The following EDC4 variants were observed in gnomAD, a reference collection of about 807,000 sequenced individuals.
EDC4 encodes the protein enhancer of mRNA decapping 4.
A neutral mutation model predicts 155.8 loss-of-function variants in EDC4; 64 were observed. That is an observed-to-expected ratio of 0.41 (90% CI 0.34 to 0.51). The LOEUF is 0.51. Among genes scored for constraint, EDC4 ranks in the 20% least tolerant of loss-of-function variants. The pLI, the probability that EDC4 is intolerant of heterozygous loss-of-function variation, is 0.19. For synonymous variants in EDC4, 684 were observed against 716.8 expected, an observed-to-expected ratio of 0.95 and a Z score of 0.73; for missense variants, 1,303 against 1,812.5, an observed-to-expected ratio of 0.72 and a Z score of 5.10.
chr16:67,879,909 C>T lies in EDC4; in HGVS notation c.1881C>T (p.Ser627=). ...SGSSSSSSSS[S]SSLTAVSAMS... is the part of the protein sequence containing the mutation. ...GCAGCAGCAGCAGCAGCAGTAGCAG[C>T]AGCTCCCTTACAGCTGTGTCTGCCA... is the stretch of plus-strand genomic sequence containing the variant. Residue 627 remains serine (S), a synonymous_variant, in exon 16 of 29, where the codon AGC becomes AGT. Coordinates refer to ENST00000358933, the MANE Select transcript of EDC4 (RefSeq NM_014329.5). The surrounding 1 kb of genome is among the most constrained non-coding windows in gnomAD (Gnocchi z 6.0). The T allele has an allele frequency of 6.2e-7, 1 of 1,613,868 alleles. No homozygotes were observed. Among genetic ancestry groups the T allele is most frequent in the South Asian group, 1.1e-5 (1 of 91,078 alleles).
Position 67,879,249 on chromosome 16 carries a change from G to A in EDC4, c.1481G>A (p.Gly494Glu). The A allele has an allele frequency of 1.2e-6, 2 of 1,614,198 alleles. No individual in the cohort carries two copies. The highest frequency in any genetic ancestry group is 2.2e-5 in the South Asian group (2 of 91,086). ...ACTGTCCTTTCAGATGGTACCCATG[G>A]AGCCGGTGCCATGGAGTCTGCGGCC... ...NDSLGADGTH[G>E]AGAMESAAGV... The change falls in exon 13 of 29, where the codon GGA (glycine) becomes GAA (glutamate). Residue 494 changes from glycine (G) to glutamate (E), a missense_variant. This residue lies in a region of EDC4 where 391 missense variants were observed against 445.4 expected (regional missense o/e 0.88). Coordinates refer to ENST00000358933, the MANE Select transcript of EDC4 (RefSeq NM_014329.5). This position sits in a 1 kb window ranked among gnomAD's most constrained non-coding sequence, Gnocchi z 6.0.
At position 67,882,157 on chromosome 16, in the gene EDC4, G is replaced by A. The variant is rs768832663; in HGVS notation, c.3160+48G>A. On this transcript the variant is annotated intron_variant, in intron 23 of 28. Coordinates refer to ENST00000358933, the MANE Select transcript of EDC4 (RefSeq NM_014329.5). The surrounding 1 kb of genome is among the most constrained non-coding windows in gnomAD (Gnocchi z 7.2). ...CTTTGGGTGGTTCAGGTGGGAGTGG[G>A]GTACCTGTCAAGCTTCTTCTCATGG... is the stretch of plus-strand genomic sequence containing the variant. The A allele has an allele frequency of 3.2e-5, 51 of 1,613,198 alleles. 1 individual carries two copies. In the South Asian group the frequency reaches 5.4e-4, roughly 17 times the overall value.
Position 67,884,376 on chromosome 16 carries a change from A to G in EDC4, c.*228A>G. 1.8e-6 allele frequency: 1 copy of G among 557,440 alleles called. No homozygotes were observed. The highest frequency in any genetic ancestry group is 2.5e-5 in the South Asian group (1 of 39,962). The allele number at this position is 557,440 out of a possible 1,614,324, so 34.5% of individuals were successfully genotyped here. ...CCTGCTTGGGTTCTGCCATGCCTGG[A>G]GCATGACCCTGAGATCGTGACACCA... is the stretch of plus-strand genomic sequence containing the variant. On this transcript the variant is annotated 3_prime_UTR_variant, in exon 29 of 29. Coordinates refer to ENST00000358933, the MANE Select transcript of EDC4 (RefSeq NM_014329.5). The surrounding 1 kb of genome is among the most constrained non-coding windows in gnomAD (Gnocchi z 4.1).
chr16:67,880,850 A>C lies in EDC4; in HGVS notation c.2391A>C (p.Gly797=). 6.2e-7 allele frequency: 1 copy of C among 1,613,874 alleles called. No homozygotes were observed. The highest frequency in any genetic ancestry group is 8.5e-7 in the Non-Finnish European group (1 of 1,179,972). Residue 797 remains glycine, a synonymous_variant, in exon 18 of 29, where the codon GGA becomes GGC. Transcript: ENST00000358933. The surrounding 1 kb of genome is among the most constrained non-coding windows in gnomAD (Gnocchi z 5.2). ...TCGGCCCCCAGCTCGGGCTTGATGG[A>C]GGCCCTGGGGATGGAGATCGGCATA... ...PELGPQLGLD[G]GPGDGDRHNT... is the part of the protein sequence containing the mutation.
At chr16:67,873,925 T>A (rs1016726714) in intron 1 of EDC4, among the ~76,000 whole-genome samples, 1 of 152,244 alleles carries the variant, frequency 6.6e-6, no homozygotes, top group African/African-American at 2.4e-5. Flanking sequence ...CAAGCCCTAA[T>A]TGGTTCCCAT....
At position 67,878,160 on chromosome 16, in the gene EDC4, T is replaced by C. The variant is rs566321480; in HGVS notation, c.895-6T>C. On this transcript the variant is annotated splice_polypyrimidine_tract_variant and splice_region_variant and intron_variant, in intron 7 of 28. Coordinates refer to ENST00000358933, the MANE Select transcript of EDC4 (RefSeq NM_014329.5). The surrounding 1 kb of genome is among the most constrained non-coding windows in gnomAD (Gnocchi z 5.2). The stretch of plus-strand genomic sequence containing the variant: ...TAGTCAGCAAAGCTTTTTGGGTTCT[T>C]TCTAGTGCCTCAGTGAAGGAGCCCT... 1.9e-6 allele frequency: 3 copies of C among 1,614,184 alleles called. No individual in the cohort carries two copies. In the East Asian group the frequency reaches 6.7e-5, roughly 36 times the overall value.
At position 67,873,238 on chromosome 16, in the gene EDC4, G is replaced by T. The variant is rs917313607; in HGVS notation, c.-24G>T. ...GCGGCGGCGGAACGAACGCGGTGCGGGCGGGGCGCCCGCCGCAGGGCCCAT... is the reference window on the plus strand; with the variant it reads ...GCGGCGGCGGAACGAACGCGGTGCGTGCGGGGCGCCCGCCGCAGGGCCCAT... On this transcript the variant is annotated 5_prime_UTR_variant, in exon 1 of 29. Transcript: ENST00000358933. 6.5e-6 allele frequency: 9 copies of T among 1,385,730 alleles called. No individual in the cohort carries two copies. The highest frequency in any genetic ancestry group is 8.4e-6 in the Non-Finnish European group (9 of 1,076,820). The allele number at this position is 1,385,730 out of a possible 1,614,324, so 85.8% of individuals were successfully genotyped here.
At position 67,877,706 on chromosome 16, in the gene EDC4, G is replaced by A; in HGVS notation, c.790-35G>A. On this transcript the variant is annotated intron_variant, in intron 6 of 28. Coordinates refer to ENST00000358933, the MANE Select transcript of EDC4 (RefSeq NM_014329.5). The surrounding 1 kb of genome is among the most constrained non-coding windows in gnomAD (Gnocchi z 4.9). The stretch of plus-strand genomic sequence containing the variant: ...GGCGCCAGAGAAGCCATAGTGTGGG[G>A]TTGGGCTGCACACTCACCTCCCTGT... 1 of 1,614,136 alleles carries A rather than the reference G, an allele frequency of 6.2e-7. No homozygotes were observed.
Position 67,879,566 on chromosome 16 carries a change from A to G in EDC4, c.1634-21A>G, listed in dbSNP as rs745862565. On this transcript the variant is annotated intron_variant, in intron 14 of 28. Coordinates refer to ENST00000358933, the MANE Select transcript of EDC4 (RefSeq NM_014329.5). The surrounding 1 kb of genome is among the most constrained non-coding windows in gnomAD (Gnocchi z 6.0). ...CTGACCAGGGTCTGAGATCTAACTCAAGTGGCAACTTGCCCTGCAGCATTT... is the reference window on the plus strand; with the variant it reads ...CTGACCAGGGTCTGAGATCTAACTCGAGTGGCAACTTGCCCTGCAGCATTT... 6 of 1,613,546 alleles carry G rather than the reference A, an allele frequency of 3.7e-6. No individual in the cohort carries two copies. Among genetic ancestry groups the G allele is most frequent in the Non-Finnish European group, 4.2e-6 (5 of 1,179,668 alleles).
Position 67,879,882 on chromosome 16 carries a change from T to C in EDC4, c.1854T>C (p.Gly618=), listed in dbSNP as rs2058058053. 6.2e-6 allele frequency: 10 copies of C among 1,610,364 alleles called. No individual in the cohort carries two copies. In the East Asian group the frequency reaches 1.1e-4, roughly 18 times the overall value. Residue 618 remains glycine (G), a synonymous_variant, in exon 16 of 29, where the codon GGT becomes GGC. Transcript: ENST00000358933. The surrounding 1 kb of genome is among the most constrained non-coding windows in gnomAD (Gnocchi z 6.0). ...CCTCTCCCAGCAGCAGCAGCAGCGG[T>C]AGCAGCAGCAGCAGCAGCAGTAGCA... ...ITASPSSSSS[G]SSSSSSSSSS... is the part of the protein sequence containing the mutation.
At position 67,877,792 on chromosome 16, in the gene EDC4, G is replaced by A. The variant is rs752460333; in HGVS notation, c.841G>A (p.Val281Met). 6.8e-6 allele frequency: 11 copies of A among 1,614,202 alleles called. No homozygotes were observed. Among genetic ancestry groups the A allele is most frequent in the Non-Finnish European group, 9.3e-6 (11 of 1,180,044 alleles). ...CCGCTCCAGCCACAGTACCTGGCCT[G>A]TGGATGTTAGCCAGATCAAGCAGGG... ...MLRSSHSTWP[V>M]DVSQIKQGFI... The change falls in exon 7 of 29, where the codon GTG (valine) becomes ATG (methionine). Residue 281 changes from valine (V) to methionine (M), a missense_variant. Physicochemically the swap from Val to Met is conservative, Grantham distance 21 (BLOSUM62 1). Transcript: ENST00000358933. This position sits in a 1 kb window ranked among gnomAD's most constrained non-coding sequence, Gnocchi z 4.9.
Position 67,881,262 on chromosome 16 carries a change from C to T in EDC4, c.2637-3C>T, listed in dbSNP as rs1836216248. On this transcript the variant is annotated splice_region_variant and splice_polypyrimidine_tract_variant and intron_variant, in intron 19 of 28. Transcript: ENST00000358933. The surrounding 1 kb of genome is among the most constrained non-coding windows in gnomAD (Gnocchi z 5.4). ...GGCTTACTCCTCCTTCCCCTTCCCA[C>T]AGTGACCATGATGATGAGGTGGCCA... 6.2e-7 allele frequency: 1 copy of T among 1,614,042 alleles called. No individual in the cohort carries two copies. The highest frequency in any genetic ancestry group is 1.1e-5 in the South Asian group (1 of 91,080).
Position 67,884,251 on chromosome 16 carries a change from A to G in EDC4, c.*103A>G. 1 of 1,119,616 alleles carries G rather than the reference A, an allele frequency of 8.9e-7. No homozygotes were observed. Among genetic ancestry groups the G allele is most frequent in the Non-Finnish European group, 1.2e-6 (1 of 808,636 alleles). The allele number at this position is 1,119,616 out of a possible 1,614,324, so 69.4% of individuals were successfully genotyped here. On this transcript the variant is annotated 3_prime_UTR_variant, in exon 29 of 29. Coordinates refer to ENST00000358933, the MANE Select transcript of EDC4 (RefSeq NM_014329.5). This position sits in a 1 kb window ranked among gnomAD's most constrained non-coding sequence, Gnocchi z 4.1. ...CTGGCCTTTACCTGCTCAGGCCCCC[A>G]TCTCTGGGGTGTTTGGGGGTCAGGG...
chr16:67,879,490 C>T lies in EDC4; in HGVS notation c.1620C>T (p.Ala540=), dbSNP rs768021574. The T allele has an allele frequency of 2.5e-6, 4 of 1,614,188 alleles. No homozygotes were observed. Among genetic ancestry groups the T allele is most frequent in the Non-Finnish European group, 3.4e-6 (4 of 1,180,024 alleles). Residue 540 remains alanine (A), a synonymous_variant, in exon 14 of 29, where the codon GCC becomes GCT. Transcript: ENST00000358933. This position sits in a 1 kb window ranked among gnomAD's most constrained non-coding sequence, Gnocchi z 6.0. ...DVVAPLPTHT[A]HEDFTFGESR... Reference sequence around the variant, plus strand: ...TGGCCCCACTGCCCACCCACACTGCCCACGAGGACTTCAGTGAGTAGGGCG... The same window carrying T: ...TGGCCCCACTGCCCACCCACACTGCTCACGAGGACTTCAGTGAGTAGGGCG...
rs981741669 is a variant in EDC4, at chr16:67,882,031, T to G, written c.3082T>G (p.Ser1028Ala). The G allele has an allele frequency of 6.2e-7, 1 of 1,612,274 alleles. No individual in the cohort carries two copies. Among genetic ancestry groups the G allele is most frequent in the Non-Finnish European group, 8.5e-7 (1 of 1,179,524 alleles). The change falls in exon 23 of 29, where the codon TCC becomes GCC. Residue 1028 changes from serine (S) to alanine (A), a missense_variant. By Grantham distance (99) the Ser-to-Ala change is moderately conservative. Coordinates refer to ENST00000358933, the MANE Select transcript of EDC4 (RefSeq NM_014329.5). This position sits in a 1 kb window ranked among gnomAD's most constrained non-coding sequence, Gnocchi z 7.2. ...GCAGGAGCAGCTGACACAACAGTTG[T>G]CCCAAGCACTGTCGTCAGCTGTAGC... ...QLQEQLTQQLSQALSSAVAGR... is the reference protein window; with the variant it reads ...QLQEQLTQQLAQALSSAVAGR...
rs774004293 is a variant in EDC4 at position 67,879,601 on chromosome 16, C to T, written c.1648C>T (p.Arg550Trp). 20 of 1,614,104 alleles carry T rather than the reference C, an allele frequency of 1.2e-5. No individual in the cohort carries two copies. The highest frequency in any genetic ancestry group is 1.4e-5 in the Non-Finnish European group (16 of 1,179,998). Residue 550 changes from arginine (R) to tryptophan (W), a missense_variant, in exon 15 of 29, where the codon CGG becomes TGG. By Grantham distance (101) the Arg-to-Trp change is moderately radical. Around this residue, in one of 5 missense-constraint regions of EDC4, gnomAD observed 391 missense variants for 445.4 expected, o/e 0.88. Transcript: ENST00000358933. The surrounding 1 kb of genome is among the most constrained non-coding windows in gnomAD (Gnocchi z 6.0). ...AHEDFTFGES[R>W]PELGSEGLGS... ...TTGCCCTGCAGCATTTGGAGAGTCT[C>T]GGCCCGAACTGGGCTCTGAGGGCCT...
rs376797895 is a variant in EDC4, at chr16:67,878,354, C to T, written c.1005-6C>T. 2.4e-5 allele frequency: 39 copies of T among 1,614,218 alleles called. No individual in the cohort carries two copies. Among genetic ancestry groups the T allele is most frequent in the Non-Finnish European group, 3.2e-5 (38 of 1,180,036 alleles). The stretch of plus-strand genomic sequence containing the variant: ...TCACTCAGGCCCCTCATCTGCCTAC[C>T]TGCAGGTGTCTGCACGAGTGGAAAC... On this transcript the variant is annotated splice_region_variant and splice_polypyrimidine_tract_variant and intron_variant, in intron 8 of 28. Transcript: ENST00000358933. The surrounding 1 kb of genome is among the most constrained non-coding windows in gnomAD (Gnocchi z 5.2).
At position 67,884,181 on chromosome 16, in the gene EDC4, G is replaced by A; in HGVS notation, c.*33G>A. Reference sequence around the variant, plus strand: ...GCCTGCCTTGCCCAGGGGTGGGATGGCACTGAAGGCCAGCAGACAGGCCTA... The same window carrying A: ...GCCTGCCTTGCCCAGGGGTGGGATGACACTGAAGGCCAGCAGACAGGCCTA... On this transcript the variant is annotated 3_prime_UTR_variant, in exon 29 of 29. Transcript: ENST00000358933. This position sits in a 1 kb window ranked among gnomAD's most constrained non-coding sequence, Gnocchi z 4.1. 2 of 1,562,564 alleles carry A rather than the reference G, an allele frequency of 1.3e-6. No individual in the cohort carries two copies. Among genetic ancestry groups the A allele is most frequent in the Non-Finnish European group, 8.7e-7 (1 of 1,151,554 alleles).
At position 67,877,680 on chromosome 16, in the gene EDC4, A is replaced by G; in HGVS notation, c.789+24A>G. ...GGGTGAGGGGGCTGACATGGCGAAG[A>G]GGCGCCAGAGAAGCCATAGTGTGGG... On this transcript the variant is annotated intron_variant, in intron 6 of 28. Transcript: ENST00000358933. The surrounding 1 kb of genome is among the most constrained non-coding windows in gnomAD (Gnocchi z 4.9). 1 of 1,614,068 alleles carries G rather than the reference A, an allele frequency of 6.2e-7. No individual in the cohort carries two copies. Among genetic ancestry groups the G allele is most frequent in the Non-Finnish European group, 8.5e-7 (1 of 1,179,996 alleles).
Sources: allele counts gnomAD v4.1 joint callset (sites outside exome capture counted in the v4.1 genomes callset), GRCh38; gene constraint gnomAD v4.1.1; regional missense constraint gnomAD v4.1.1; non-coding constraint Gnocchi (gnomAD v3.1); transcripts MANE v1.5; gene names NCBI Gene and HGNC (gene_info 2026-07-23, HGNC 2026-07-21).